The following GALNT11 variants were observed in gnomAD, a reference collection of about 807,000 sequenced individuals.
GALNT11 encodes the protein UDP-GalNAc:polypeptide N-acetylgalactosaminyltransferase 11.
Under a neutral mutation model 72.7 loss-of-function variants are expected in GALNT11, and 47 were observed. That is an observed-to-expected ratio of 0.65 (90% CI 0.51 to 0.82). The LOEUF (loss-of-function observed/expected upper bound fraction) is 0.82, where lower values mean the gene tolerates loss of function less well. Among genes scored for constraint, GALNT11 ranks in the 40% least tolerant of loss-of-function variants. The pLI is 0.00. For missense variants in GALNT11, 677 were observed against 778.4 expected, an observed-to-expected ratio of 0.87 and a Z score of 1.55; for synonymous variants, 270 against 286.6, an observed-to-expected ratio of 0.94 and a Z score of 0.58.
At chr7:152,076,080 AAAAAAAAAAAGAAGAAG>A (rs1314652944) in intron 1 of GALNT11, among the ~76,000 whole-genome samples, 1 of 150,662 alleles carries the variant, frequency 6.6e-6, no homozygotes, top group Non-Finnish European at 1.5e-5. Flanking sequence ...AAAAAAAAAA[AAAAAAAAAAAGAAGAAG>A]AGAGAAAAGT....
At chr7:152,041,698 G>A (rs1290640895) in intron 1 of GALNT11, among the ~76,000 whole-genome samples, 1 of 152,244 alleles carries the variant, frequency 6.6e-6, no homozygotes, top group Admixed American at 6.5e-5. Flanking sequence ...CCAAGGGCTA[G>A]TGAGACTAGG....
chr7:152,085,428 A>G (rs2085581337), intron 1 of GALNT11, among the ~76,000 whole-genome samples: 1 of 152,112 alleles, frequency 6.6e-6, no homozygotes, highest in South Asian at 2.1e-4. Flanking sequence ...ATTTGTCACT[A>G]GTTGTTTTGC....
chr7:152,026,224 C>T (rs1161854542), intron 1 of GALNT11, among the ~76,000 whole-genome samples: 1 of 152,198 alleles, frequency 6.6e-6, no homozygotes, highest in African/African-American at 2.4e-5. Flanking sequence ...GTATTGTCCA[C>T]TTTTTAAAAT....
Position 152,094,689 on chromosome 7 carries a change from G to A in GALNT11, c.295+167G>A, listed in dbSNP as rs2086264274. ...GTGGTTTCTGCAGACTCAGTGGGGAGTTATATTCTAATTTATCCAGTTCTG... is the reference window on the plus strand; with the variant it reads ...GTGGTTTCTGCAGACTCAGTGGGGAATTATATTCTAATTTATCCAGTTCTG... On this transcript the variant is annotated intron_variant, in intron 2 of 11. Transcript: ENST00000430044. This position sits in a 1 kb window ranked among gnomAD's most constrained non-coding sequence, Gnocchi z 4.3. Among the ~76,000 whole-genome samples, 2 of 152,318 alleles carry A rather than the reference G, an allele frequency of 1.3e-5. No individual in the cohort carries two copies. The highest frequency in any genetic ancestry group is 6.5e-5 in the Admixed American group (1 of 15,304).
intron 3 of GALNT11, 85 bp from the exon 4 acceptor site, chr7:152,103,027 G>T: frequency 7.8e-7 from 1 of 1,275,790 alleles, no homozygotes. Flanking sequence ...GGTGAACAAG[G>T]GGACAGTAAA....
In GALNT11 at chr7:152,110,523, T is replaced by TAAA; in HGVS notation, c.963-5_963-4insAAA. On this transcript the variant is annotated splice_region_variant and splice_polypyrimidine_tract_variant and intron_variant, in intron 6 of 11. Coordinates refer to ENST00000430044, the MANE Select transcript of GALNT11 (RefSeq NM_022087.4). ...GAATGAGTACAGTAATTTTCCTTTT[T>TAAA]CTAGGTCACCAACAATGGCTGGAGG... 1 of 1,610,454 alleles carries TAAA rather than the reference T, an allele frequency of 6.2e-7. No homozygotes were observed. Among genetic ancestry groups the TAAA allele is most frequent in the East Asian group, 2.2e-5 (1 of 44,802 alleles).
At chr7:152,102,838 G>A (rs1195826656) in intron 3 of GALNT11, among the ~76,000 whole-genome samples, 5 of 151,706 alleles carry the variant, frequency 3.3e-5, no homozygotes, top group African/African-American at 4.8e-5. Context: ...AGAATTAGCC[G>A]GATGTGGTGT....
At chr7:152,085,086 G>A (rs563464913) in intron 1 of GALNT11, among the ~76,000 whole-genome samples, 3 of 152,114 alleles carry the variant, frequency 2.0e-5, no homozygotes, top group Non-Finnish European at 1.5e-5. Context: ...TTTTCATCTT[G>A]CCTCATACTT....
rs998366553 is a variant in GALNT11, at chr7:152,094,632, ATTTAT to A, written c.295+114_295+118del. The A allele has an allele frequency of 6.3e-6, 8 of 1,271,916 alleles. No homozygotes were observed. The East Asian group carries it at 1.3e-4, about 20-fold the overall frequency. 78.8% of individuals were successfully genotyped at this position (1,271,916 alleles called of 1,614,324 possible). ...ATGCTGCATCATTTTTTCCCCACTG[ATTTAT>A]TTTGTTTGTGAACTACCTGAAGTTC... On this transcript the variant is annotated intron_variant, in intron 2 of 11. Coordinates refer to ENST00000430044, the MANE Select transcript of GALNT11 (RefSeq NM_022087.4). This position sits in a 1 kb window ranked among gnomAD's most constrained non-coding sequence, Gnocchi z 4.3.
intron 1 of GALNT11, among the ~76,000 whole-genome samples, chr7:152,085,222 C>A (rs1285891649): frequency 6.6e-6 from 1 of 152,212 alleles, no homozygotes; most frequent in African/African-American, 2.4e-5. Context: ...TCTCAGCTTA[C>A]AAGGCACCTA....
chr7:152,041,949 T>G (rs1274057474), intron 1 of GALNT11, among the ~76,000 whole-genome samples: 5 of 152,222 alleles, frequency 3.3e-5, no homozygotes, highest in Admixed American at 6.5e-5. Flanking sequence ...CAGGAGAAAT[T>G]GAATTTTGCA....
chr7:152,027,466 G>A (rs1319701046), intron 1 of GALNT11: 1 of 153,590 alleles, frequency 6.5e-6, no homozygotes, highest in Non-Finnish European at 1.5e-5. Flanking sequence ...ACGACATGAG[G>A]CGGTGTGGAG....
chr7:152,117,564 C>A, intron 9 of GALNT11, 189 bp downstream of exon 9: 1 of 563,392 alleles, frequency 1.8e-6, no homozygotes, highest in East Asian at 3.0e-5. Flanking sequence ...AGTGTAGATC[C>A]TTGCCTTGCC....
chr7:152,035,763 G>T (rs571862575), intron 1 of GALNT11, among the ~76,000 whole-genome samples: 2 of 152,160 alleles, frequency 1.3e-5, no homozygotes, highest in Non-Finnish European at 2.9e-5. Flanking sequence ...TTTAGCCACC[G>T]AATTCTAAGG....
Position 152,113,337 on chromosome 7 carries a change from G to T in GALNT11, c.1172G>T (p.Gly391Val). 1 of 1,614,074 alleles carries T rather than the reference G, an allele frequency of 6.2e-7. No individual in the cohort carries two copies. Among genetic ancestry groups the T allele is most frequent in the East Asian group, 2.2e-5 (1 of 44,868 alleles). The change falls in exon 8 of 12, where the codon GGC becomes GTC. Residue 391 changes from glycine to valine, a missense_variant. Gly to Val is a moderately radical substitution (Grantham distance 109, BLOSUM62 -3). Coordinates refer to ENST00000430044, the MANE Select transcript of GALNT11 (RefSeq NM_022087.4). ...AGGCGACCATATGGATCTCCCGAAG[G>T]CCAGGACACCATGACACACAACTCT... ...RKRRPYGSPE[G>V]QDTMTHNSLR...
rs116445018 is a variant in GALNT11, at chr7:152,110,751, G to C, written c.1080+106G>C. On this transcript the variant is annotated intron_variant, in intron 7 of 11. Transcript: ENST00000430044. Reference sequence around the variant, plus strand: ...TTCTCCTTGATTATTTTTTTTTCGAGATAGGGTCTTTCTCTGCTGCCCAGG... The same window carrying C: ...TTCTCCTTGATTATTTTTTTTTCGACATAGGGTCTTTCTCTGCTGCCCAGG... The C allele has an allele frequency of 3.0e-3, 2,728 of 912,682 alleles. 62 individuals are homozygous for C. In the African/African-American group the frequency reaches 0.042, roughly 14 times the overall value. 56.5% of individuals were successfully genotyped at this position (912,682 alleles called of 1,614,324 possible). A position where few individuals can be genotyped will look rare whatever the true frequency, so the allele number is the denominator to read the frequency against.
chr7:152,113,926 TTTTTG>T (rs1385413433), intron 8 of GALNT11, among the ~76,000 whole-genome samples: 1 of 151,374 alleles, frequency 6.6e-6, no homozygotes, highest in Non-Finnish European at 1.5e-5. Context: ...AGTGTTTTTT[TTTTTG>T]TTTGTTTGTT....
At chr7:152,101,154 G>A (rs2086847738) in intron 3 of GALNT11, among the ~76,000 whole-genome samples, 1 of 152,140 alleles carries the variant, frequency 6.6e-6, no homozygotes, top group African/African-American at 2.4e-5. Context: ...GATCACCTGG[G>A]GAAGCAGAGT....
intron 1 of GALNT11, among the ~76,000 whole-genome samples, chr7:152,035,754 T>G (rs1200827369): frequency 6.6e-6 from 1 of 152,210 alleles, no homozygotes; most frequent in Non-Finnish European, 1.5e-5. Context: ...TGCCTGGTAT[T>G]TAGCCACCGA....
Sources: allele counts gnomAD v4.1 joint callset (sites outside exome capture counted in the v4.1 genomes callset), GRCh38; gene constraint gnomAD v4.1.1; non-coding constraint Gnocchi (gnomAD v3.1); transcripts MANE v1.5; gene names NCBI Gene and HGNC (gene_info 2026-07-23, HGNC 2026-07-21).